SH2D4A: variants seen among roughly 807,000 people sequenced by gnomAD.
SH2D4A encodes the protein SH2 domain containing 4A, also known as SH2 domain-containing protein 4A.
In SH2D4A, 70 loss-of-function variants were observed where a neutral mutation model predicts 64.7. That is an observed-to-expected ratio of 1.08 (90% confidence interval 0.89 to 1.32). The LOEUF (loss-of-function observed/expected upper bound fraction) is 1.32, where lower values mean the gene tolerates loss of function less well. Among genes scored for constraint, SH2D4A ranks in the 40% most tolerant of loss-of-function variants. The pLI, the probability that SH2D4A is intolerant of heterozygous loss-of-function variation, is 0.00. For missense variants in SH2D4A, 706 were observed against 540.1 expected, an observed-to-expected ratio of 1.31 and a Z score of -3.04; for synonymous variants, 268 against 200.7, an observed-to-expected ratio of 1.34 and a Z score of -2.83.
intron 8 of SH2D4A, among the ~76,000 whole-genome samples, chr8:19,390,770 G>A (rs1303552819): frequency 3.3e-5 from 5 of 152,146 alleles, no homozygotes; most frequent in Non-Finnish European, 7.4e-5. Context: ...ATTGGGTCCT[G>A]GTGTCCCAGG....
intron 7 of SH2D4A, among the ~76,000 whole-genome samples, chr8:19,370,042 T>G (rs2053068403): frequency 6.6e-6 from 1 of 152,088 alleles, no homozygotes; most frequent in African/African-American, 2.4e-5. Flanking sequence ...CATTTTTGGT[T>G]TCTGAAATTT....
At chr8:19,355,120 A>T (rs1200040186) in intron 4 of SH2D4A, among the ~76,000 whole-genome samples, 2 of 151,942 alleles carry the variant, frequency 1.3e-5, no homozygotes, top group African/African-American at 4.8e-5. Flanking sequence ...TAATAAACAT[A>T]GCATATTTGA....
At chr8:19,368,643 A>G (rs933534586) in intron 7 of SH2D4A, among the ~76,000 whole-genome samples, 6 of 121,416 alleles carry the variant, frequency 4.9e-5, no homozygotes, top group Admixed American at 1.8e-4. Context: ...TTGTTAGTCC[A>G]TTGTTGATGC....
Position 19,314,403 on chromosome 8 carries a change from C to A in SH2D4A, c.-205+580C>A, listed in dbSNP as rs189116024. 2.0e-5 allele frequency among the ~76,000 whole-genome samples: 3 copies of A among 152,250 alleles called. No individual in the cohort carries two copies. The East Asian group carries it at 5.8e-4, about 30-fold the overall frequency. ...ACCCAGGGGCGCCCCCACGTGGGGTCTGGGAGCGCGCGGAGGCCAGTGCAG... is the reference window on the plus strand; with the variant it reads ...ACCCAGGGGCGCCCCCACGTGGGGTATGGGAGCGCGCGGAGGCCAGTGCAG... On this transcript the variant is annotated intron_variant, in intron 1 of 9. Coordinates refer to ENST00000265807, the MANE Select transcript of SH2D4A (RefSeq NM_022071.4).
intron 1 of SH2D4A, 76 bp downstream of exon 1, chr8:19,313,899 G>C: frequency 7.3e-7 from 1 of 1,371,282 alleles, no homozygotes. Context: ...AATTTCCTCG[G>C]AGGTTGCATG....
At chr8:19,360,674 C>T (rs1050686456) in intron 5 of SH2D4A, 3 of 152,122 alleles carry the variant, frequency 2.0e-5, no homozygotes, top group South Asian at 2.1e-4. Flanking sequence ...GTAAGTACCA[C>T]ATTTTGGGAC....
intron 4 of SH2D4A, among the ~76,000 whole-genome samples, chr8:19,348,866 C>G (rs539889705): frequency 5.4e-4 from 82 of 152,204 alleles, no homozygotes; most frequent in Admixed American, 1.4e-3. Context: ...AGAGTAGATA[C>G]CTCGTTCCTG....
At chr8:19,320,141 T>A (rs1342193376) in intron 2 of SH2D4A, among the ~76,000 whole-genome samples, 1 of 152,214 alleles carries the variant, frequency 6.6e-6, no homozygotes, top group African/African-American at 2.4e-5. Context: ...GAGATTTTTC[T>A]TTGAGGTATC....
At chr8:19,350,282 T>C (rs1022348018) in intron 4 of SH2D4A, among the ~76,000 whole-genome samples, 57 of 152,226 alleles carry the variant, frequency 3.7e-4, no homozygotes, top group African/African-American at 1.4e-3. Context: ...CCAAGCAACC[T>C]GCACCAGCTC....
chr8:19,327,864 T>G (rs2052305816), intron 2 of SH2D4A, among the ~76,000 whole-genome samples: 1 of 152,176 alleles, frequency 6.6e-6, no homozygotes, highest in Admixed American at 6.5e-5. Flanking sequence ...CCATCCCGCC[T>G]TTGTAGCCTG....
At chr8:19,326,768 G>C (rs1189607880) in intron 2 of SH2D4A, among the ~76,000 whole-genome samples, 1 of 152,120 alleles carries the variant, frequency 6.6e-6, no homozygotes, top group Non-Finnish European at 1.5e-5. Flanking sequence ...TCCAGTGGGG[G>C]TGGAGACCAA....
Position 19,366,223 on chromosome 8 carries a change from C to CAT in SH2D4A, c.917+1952_917+1953dup, listed in dbSNP as rs202103309. Among the ~76,000 whole-genome samples, 28 of 151,594 alleles carry CAT rather than the reference C, an allele frequency of 1.8e-4. No homozygotes were observed. In the South Asian group the frequency reaches 4.0e-3, roughly 22 times the overall value. ...TGGGATACAGTGTGATGTTTTGATA[C>CAT]ATATATATATATTGTGTAGTGATCA... On this transcript the variant is annotated intron_variant, in intron 7 of 9. Coordinates refer to ENST00000265807, the MANE Select transcript of SH2D4A (RefSeq NM_022071.4).
At chr8:19,381,281 C>G (rs1184599939) in intron 8 of SH2D4A, among the ~76,000 whole-genome samples, 4 of 152,168 alleles carry the variant, frequency 2.6e-5, no homozygotes, top group Non-Finnish European at 2.9e-5. Context: ...AACTCCTGAC[C>G]TCAAGTGATC....
At chr8:19,348,246 C>T (rs996970046) in intron 4 of SH2D4A, among the ~76,000 whole-genome samples, 1 of 152,106 alleles carries the variant, frequency 6.6e-6, no homozygotes. Flanking sequence ...CAGATGCATG[C>T]TCCCATGCCC....
At position 19,361,226 on chromosome 8, in the gene SH2D4A, A is replaced by G; in HGVS notation, c.618A>G (p.Lys206=). 9.0e-6 allele frequency: 14 copies of G among 1,561,504 alleles called. No homozygotes were observed. The highest frequency in any genetic ancestry group is 1.1e-5 in the Non-Finnish European group (13 of 1,139,394). The change falls in exon 6 of 10, where the codon AAA becomes AAG. Residue 206 remains lysine (K), a synonymous_variant. Transcript: ENST00000265807. ...AGAAGAAAGAATCTATGAAGAAAAAACAAGATGAAGAAATAAATCAAATAG... is the reference window on the plus strand; with the variant it reads ...AGAAGAAAGAATCTATGAAGAAAAAGCAAGATGAAGAAATAAATCAAATAG... ...FHQKKESMKK[K]QDEEINQIEE...
At chr8:19,394,035 A>G (rs554132458) in intron 9 of SH2D4A, among the ~76,000 whole-genome samples, 32 of 152,304 alleles carry the variant, frequency 2.1e-4, no homozygotes, top group African/African-American at 7.7e-4. Flanking sequence ...GCAACTAGAC[A>G]GTCCCATCTG....
intron 6 of SH2D4A, chr8:19,363,794 A>C (rs1234750457): frequency 6.8e-6 from 3 of 443,430 alleles, no homozygotes; most frequent in South Asian, 5.2e-5. Context: ...AAATTCTTGC[A>C]CACTTTCTCT....
chr8:19,353,212 G>T (rs1409996163), intron 4 of SH2D4A, among the ~76,000 whole-genome samples: 1 of 152,004 alleles, frequency 6.6e-6, no homozygotes, highest in Admixed American at 6.6e-5. Flanking sequence ...CTGGGTCATA[G>T]CAGCATATGG....
chr8:19,386,160 A>G (rs944178713), intron 8 of SH2D4A, among the ~76,000 whole-genome samples: 1 of 152,226 alleles, frequency 6.6e-6, no homozygotes, highest in Non-Finnish European at 1.5e-5. Flanking sequence ...CTTCACCTAC[A>G]TTAATGTCAT....
Sources: allele counts gnomAD v4.1 joint callset (sites outside exome capture counted in the v4.1 genomes callset), GRCh38; gene constraint gnomAD v4.1.1; transcripts MANE v1.5; gene names NCBI Gene and HGNC (gene_info 2026-07-23, HGNC 2026-07-21).